Variants in FGD5 observed in about 807,000 individuals in gnomAD.
FGD5 encodes the protein FYVE, RhoGEF and PH domain-containing protein 5.
FGD5 carries 28 observed loss-of-function variants against 133.4 expected under a neutral mutation model. That is an observed-to-expected ratio of 0.21 (90% CI 0.16 to 0.29). The LOEUF (loss-of-function observed/expected upper bound fraction) is 0.29. FGD5 is among the 10% of genes least tolerant of loss of function. The probability of loss-of-function intolerance (pLI) is 1.00; values close to 1 mark genes in which losing one functional copy is unlikely to be tolerated. For synonymous variants in FGD5, 810 were observed against 776.5 expected (o/e 1.04, Z -0.72); for missense variants, 1,858 against 1,895.2 (o/e 0.98, Z 0.36).
At chr3:14,932,248 A>G (rs573416858) in intron 18 of FGD5, 1 of 170,930 alleles carries the variant, frequency 5.9e-6, no homozygotes, top group South Asian at 1.7e-4. Flanking sequence ...ACACCCAGAT[A>G]ATTTTTGTAT....
chr3:14,824,383 G>A (rs1046809100), intron 1 of FGD5, among the ~76,000 whole-genome samples: 3 of 152,186 alleles, frequency 2.0e-5, no homozygotes, highest in African/African-American at 2.4e-5. Context: ...TCTGCCTAGG[G>A]GTGCTTGGGG....
At position 14,819,521 on chromosome 3, in the gene FGD5, C is replaced by T. The variant is rs763721129; in HGVS notation, c.450C>T (p.Cys150=). The T allele has an allele frequency of 1.3e-4, 197 of 1,551,372 alleles. 1 individual carries two copies. The Admixed American group carries it at 1.5e-3, about 12-fold the overall frequency. ...CTCTTGAGGATGAAGGGGAGGGCTG[C>T]GCTGATGAGCCAGGGACACTGGAGC... ...DLALEDEGEG[C]ADEPGTLEQV... Residue 150 remains cysteine, a synonymous_variant, in exon 1 of 20, where the codon TGC becomes TGT. Coordinates refer to ENST00000285046, the MANE Select transcript of FGD5 (RefSeq NM_152536.4). This position sits in a 1 kb window ranked among gnomAD's most constrained non-coding sequence, Gnocchi z 4.1.
chr3:14,911,111 T>C (rs2038441262), intron 11 of FGD5, among the ~76,000 whole-genome samples, 182 bp downstream of exon 11: 1 of 152,154 alleles, frequency 6.6e-6, no homozygotes, highest in African/African-American at 2.4e-5. Flanking sequence ...CCACCACTCA[T>C]TTGTTATTTG....
Position 14,922,930 on chromosome 3 carries a change from C to A in FGD5, c.3808-116C>A. On this transcript the variant is annotated intron_variant, in intron 15 of 19. Transcript: ENST00000285046. The surrounding 1 kb of genome is among the most constrained non-coding windows in gnomAD (Gnocchi z 4.1). ...GACACGCACAGCTCCATGATCAGAA[C>A]CTGGGGCTCCCTAGGGGCAGTTGTG... is the stretch of plus-strand genomic sequence containing the variant. The A allele has an allele frequency of 6.9e-7, 1 of 1,449,016 alleles. No individual in the cohort carries two copies. The highest frequency in any genetic ancestry group is 9.5e-7 in the Non-Finnish European group (1 of 1,051,732). 89.8% of individuals were successfully genotyped at this position (1,449,016 alleles called of 1,614,324 possible).
chr3:14,811,915 C>T (rs2036299863), intron 1 of FGD5, among the ~76,000 whole-genome samples: 1 of 152,162 alleles, frequency 6.6e-6, no homozygotes, highest in Non-Finnish European at 1.5e-5. Flanking sequence ...CCGACCAACA[C>T]CCTTGTCCAA....
At position 14,917,358 on chromosome 3, in the gene FGD5, C is replaced by G. The variant is rs55872093; in HGVS notation, c.3489+26C>G. On this transcript the variant is annotated intron_variant, in intron 12 of 19. Coordinates refer to ENST00000285046, the MANE Select transcript of FGD5 (RefSeq NM_152536.4). The surrounding 1 kb of genome is among the most constrained non-coding windows in gnomAD (Gnocchi z 4.1). ...GTAAATATCTGGTGCCAGGTACCCCCGGGTTGGGGGACAGGGAGACCCCAG... is the reference window on the plus strand; with the variant it reads ...GTAAATATCTGGTGCCAGGTACCCCGGGGTTGGGGGACAGGGAGACCCCAG... The G allele has an allele frequency of 2.1e-4, 334 of 1,600,448 alleles. 2 individuals are homozygous for G. In the South Asian group the frequency reaches 3.4e-3, roughly 16 times the overall value.
At chr3:14,852,918 G>C (rs1232908531) in intron 1 of FGD5, among the ~76,000 whole-genome samples, 2 of 152,126 alleles carry the variant, frequency 1.3e-5, no homozygotes, top group African/African-American at 4.8e-5. Context: ...GTGTGTGTCT[G>C]GTCTCAGCAC....
chr3:14,842,678 CCTT>C (rs1354831264), intron 1 of FGD5, among the ~76,000 whole-genome samples: 1 of 152,212 alleles, frequency 6.6e-6, no homozygotes, highest in African/African-American at 2.4e-5. Flanking sequence ...GCTTCCTTGT[CCTT>C]CTCGGATAGC....
At chr3:14,878,673 G>C (rs57470882) in intron 2 of FGD5, among the ~76,000 whole-genome samples, 2,200 of 150,176 alleles carry the variant, frequency 0.015, 50 homozygotes, top group African/African-American at 0.051. Flanking sequence ...TAAATGACTT[G>C]TTCAACAAAT....
chr3:14,904,203 A>G (rs2038294483), intron 9 of FGD5, among the ~76,000 whole-genome samples: 1 of 152,090 alleles, frequency 6.6e-6, no homozygotes, highest in Non-Finnish European at 1.5e-5. Flanking sequence ...TGCCCTTTGG[A>G]AGAAAGTCAG....
chr3:14,867,168 T>C lies in FGD5; in HGVS notation c.2658+2908T>C, dbSNP rs139527028. Among the ~76,000 whole-genome samples, 77 of 152,364 alleles carry C rather than the reference T, an allele frequency of 5.1e-4. 1 individual carries two copies. In the East Asian group the frequency reaches 0.014, roughly 27 times the overall value. ...GGGTGAAAGTCCCCTCGAACTCTCATTCCTATTCCCCATTCCCTTAAACAC... is the reference window on the plus strand; with the variant it reads ...GGGTGAAAGTCCCCTCGAACTCTCACTCCTATTCCCCATTCCCTTAAACAC... On this transcript the variant is annotated intron_variant, in intron 2 of 19. Transcript: ENST00000285046.
In FGD5 at chr3:14,845,320, G is replaced by A. The variant is rs141686299; in HGVS notation, c.2526-18808G>A. ...ACCCCTAACTTATTTTACTCTGAAAGGTTTAAGTTGAAACTACTGAAGTTA... is the reference window on the plus strand; with the variant it reads ...ACCCCTAACTTATTTTACTCTGAAAAGTTTAAGTTGAAACTACTGAAGTTA... On this transcript the variant is annotated intron_variant, in intron 1 of 19. Transcript: ENST00000285046. Among the ~76,000 whole-genome samples, 860 of 152,284 alleles carry A rather than the reference G, an allele frequency of 5.6e-3. 9 individuals carry two copies. The highest frequency in any genetic ancestry group is 0.02 in the African/African-American group (822 of 41,550).
In FGD5 at chr3:14,840,547, A is replaced by G. The variant is rs943528494; in HGVS notation, c.2525+18951A>G. Among the ~76,000 whole-genome samples, 7 of 147,376 alleles carry G rather than the reference A, an allele frequency of 4.7e-5. 1 individual carries two copies. The South Asian group carries it at 1.1e-3, about 22-fold the overall frequency. On this transcript the variant is annotated intron_variant, in intron 1 of 19. Transcript: ENST00000285046. Reference sequence around the variant, plus strand: ...TTCTGGATCTTGCTTTTGTTACTTTACAGATTGTTCCCTGTCAGCACAGGC... The same window carrying G: ...TTCTGGATCTTGCTTTTGTTACTTTGCAGATTGTTCCCTGTCAGCACAGGC...
intron 2 of FGD5, among the ~76,000 whole-genome samples, chr3:14,877,493 A>G (rs748878874): frequency 6.6e-6 from 1 of 152,194 alleles, no homozygotes; most frequent in African/African-American, 2.4e-5. Flanking sequence ...GCCATCCATC[A>G]TCTGACCTCA....
rs753935734 is a variant in FGD5, at chr3:14,880,586, C to T, written c.2673C>T (p.Ser891=). The change falls in exon 3 of 20, where the codon TCC becomes TCT. Residue 891 remains serine, a synonymous_variant. Coordinates refer to ENST00000285046, the MANE Select transcript of FGD5 (RefSeq NM_152536.4). ...TCCTCCCACAGGTGGAAGGACAGTCCAGAGCCCTTGTCATCGCACAGGAAC... is the reference window on the plus strand; with the variant it reads ...TCCTCCCACAGGTGGAAGGACAGTCTAGAGCCCTTGTCATCGCACAGGAAC... ...PSVTHKVEGQ[S]RALVIAQELL... 4 of 1,613,894 alleles carry T rather than the reference C, an allele frequency of 2.5e-6. No homozygotes were observed. Among genetic ancestry groups the T allele is most frequent in the Non-Finnish European group, 3.4e-6 (4 of 1,179,872 alleles).
chr3:14,867,136 C>T (rs1337830242), intron 2 of FGD5, among the ~76,000 whole-genome samples: 1 of 152,220 alleles, frequency 6.6e-6, no homozygotes, highest in African/African-American at 2.4e-5. Flanking sequence ...TAAATCACTG[C>T]AGATGAGGGT....
rs539954988 is a variant in FGD5, at chr3:14,901,293, C to T, written c.3264+232C>T. ...TGTTCAAACAATGAGAGGAATGCCC[C>T]GACTGTGGTCTGAGGCCACCCCCAT... On this transcript the variant is annotated intron_variant, in intron 9 of 19. Transcript: ENST00000285046. Among the ~76,000 whole-genome samples, 17 of 152,326 alleles carry T rather than the reference C, an allele frequency of 1.1e-4. No individual in the cohort carries two copies. The South Asian group carries it at 1.7e-3, about 15-fold the overall frequency.
At position 14,820,599 on chromosome 3, in the gene FGD5, C is replaced by A. The variant is rs778355567; in HGVS notation, c.1528C>A (p.Pro510Thr). ...CGGACCTGAGGCGGGCTCGTCAGCC[C>A]CTGGCATTGGAGGTGCCGCAGAGGA... ...ETGPEAGSSA[P>T]GIGGAAEEVG... is the part of the protein sequence containing the mutation. The change falls in exon 1 of 20, where the codon CCT becomes ACT. Residue 510 changes from proline (P) to threonine (T), a missense_variant. Around this residue, in one of 3 missense-constraint regions of FGD5, gnomAD observed 1,824 missense variants for 1,848.9 expected, o/e 0.99. Transcript: ENST00000285046. The A allele has an allele frequency of 6.2e-7, 1 of 1,608,092 alleles. No homozygotes were observed. Among genetic ancestry groups the A allele is most frequent in the Non-Finnish European group, 8.5e-7 (1 of 1,176,964 alleles).
At chr3:14,844,233 T>A (rs937072) in intron 1 of FGD5, among the ~76,000 whole-genome samples, 1,729 of 26,598 alleles carry the variant, frequency 0.065, 239 homozygotes, top group Non-Finnish European at 0.081. Context: ...TATATATATA[T>A]ATATATATAT....
Sources: gnomAD v4.1 joint callset for allele counts (sites outside exome capture counted in the v4.1 genomes callset) on GRCh38, gnomAD v4.1.1 for gene constraint, gnomAD v4.1.1 regional missense constraint, Gnocchi (gnomAD v3.1) non-coding constraint, MANE v1.5 for transcripts, NCBI Gene and HGNC (gene_info 2026-07-23, HGNC 2026-07-21) for gene names.